Variants in NALCN observed in about 807,000 individuals in gnomAD.
The protein encoded by NALCN is sodium leak channel, non-selective.
A neutral mutation model predicts 225.3 loss-of-function variants in NALCN; 111 were observed. The ratio of observed to expected loss-of-function variants is 0.49; its 90% CI spans 0.42 to 0.58. The LOEUF (loss-of-function observed/expected upper bound fraction) is 0.58. Ranked by LOEUF, NALCN falls within the 20% of genes least tolerant of loss-of-function variation. The probability of loss-of-function intolerance (pLI) is 0.00; values close to 1 mark genes in which losing one functional copy is unlikely to be tolerated. For missense variants in NALCN, 1,378 were observed against 2,202.4 expected, an observed-to-expected ratio of 0.63 and a Z score of 7.49; for synonymous variants, 764 against 769.0, an observed-to-expected ratio of 0.99 and a Z score of 0.11.
intron 28 of NALCN, among the ~76,000 whole-genome samples, chr13:101,094,546 T>G (rs1350051503): frequency 6.6e-6 from 1 of 152,166 alleles, no homozygotes. Context: ...CTTTAATTTT[T>G]ATTTCAATGG....
intron 40 of NALCN, among the ~76,000 whole-genome samples, chr13:101,063,888 A>G (rs1318663980): frequency 1.3e-5 from 2 of 152,160 alleles, no homozygotes; most frequent in South Asian, 2.1e-4. Context: ...TGTGGCATGG[A>G]CCCCTGTGGC....
chr13:101,343,513 A>T (rs1224934879), intron 7 of NALCN, among the ~76,000 whole-genome samples: 2 of 152,202 alleles, frequency 1.3e-5, no homozygotes, highest in Non-Finnish European at 2.9e-5. Flanking sequence ...AAAAAGACAT[A>T]CGCTTTGTTG....
chr13:101,281,416 T>C (rs954134269), intron 10 of NALCN, among the ~76,000 whole-genome samples: 1 of 152,172 alleles, frequency 6.6e-6, no homozygotes, highest in Non-Finnish European at 1.5e-5. Flanking sequence ...TATCAGTTGA[T>C]GGATTAAAAA....
chr13:101,139,630 A>C (rs2036969680), intron 17 of NALCN, among the ~76,000 whole-genome samples: 1 of 151,956 alleles, frequency 6.6e-6, no homozygotes, highest in Non-Finnish European at 1.5e-5. Context: ...TAGAGTGAAG[A>C]ACCCTGCCTG....
chr13:101,068,949 C>G (rs2032641889), intron 37 of NALCN, 122 bp from the exon 38 acceptor site: 2 of 1,067,076 alleles, frequency 1.9e-6, no homozygotes, highest in Middle Eastern at 2.2e-4. Context: ...TCAAAGTAAG[C>G]TTTCAAAAGC....
intron 6 of NALCN, among the ~76,000 whole-genome samples, chr13:101,356,171 C>A (rs2046053301): frequency 6.6e-6 from 1 of 151,960 alleles, no homozygotes; most frequent in Admixed American, 6.6e-5. Context: ...TAAAAGCTAG[C>A]AGAAGACAAG....
intron 13 of NALCN, among the ~76,000 whole-genome samples, chr13:101,210,141 A>G (rs1185675267): frequency 6.6e-6 from 1 of 152,076 alleles, no homozygotes; most frequent in Non-Finnish European, 1.5e-5. Context: ...GATGCAGCCC[A>G]TTAGCTTCCA....
chr13:101,158,705 C>T (rs533915400), intron 15 of NALCN, among the ~76,000 whole-genome samples: 176 of 152,294 alleles, frequency 1.2e-3, no homozygotes, highest in African/African-American at 4.1e-3. Context: ...AGTAGAGCTA[C>T]GGGTTTCCAA....
At chr13:101,224,991 C>T (rs2041085384) in intron 13 of NALCN, among the ~76,000 whole-genome samples, 1 of 152,206 alleles carries the variant, frequency 6.6e-6, no homozygotes. Flanking sequence ...AGCATTTCTG[C>T]AACCAGCTAG....
chr13:101,374,919 A>T (rs1217085553), intron 6 of NALCN, among the ~76,000 whole-genome samples: 1 of 152,190 alleles, frequency 6.6e-6, no homozygotes, highest in Non-Finnish European at 1.5e-5. Context: ...TTTGTGCATG[A>T]ATTAGAAATT....
chr13:101,282,842 A>G (rs2043212450), intron 10 of NALCN, among the ~76,000 whole-genome samples: 1 of 152,220 alleles, frequency 6.6e-6, no homozygotes, highest in East Asian at 1.9e-4. Flanking sequence ...AAATAACTCT[A>G]TGGTAAAATG....
intron 3 of NALCN, among the ~76,000 whole-genome samples, chr13:101,384,506 G>A (rs1362639578): frequency 6.6e-6 from 1 of 152,120 alleles, no homozygotes; most frequent in African/African-American, 2.4e-5. Context: ...GATATGCACT[G>A]GTACAGTTTC....
intron 26 of NALCN, among the ~76,000 whole-genome samples, chr13:101,102,112 G>C (rs1172612205): frequency 6.6e-6 from 1 of 151,914 alleles, no homozygotes; most frequent in Non-Finnish European, 1.5e-5. Context: ...GTGCAGCCCC[G>C]TGTCTACTAA....
At chr13:101,308,233 C>T (rs1234790383) in intron 7 of NALCN, among the ~76,000 whole-genome samples, 4 of 152,202 alleles carry the variant, frequency 2.6e-5, no homozygotes, top group Non-Finnish European at 5.9e-5. Flanking sequence ...TCATTCTTCT[C>T]TTCTTCCTGG....
At chr13:101,278,415 C>A (rs1201793788) in intron 10 of NALCN, among the ~76,000 whole-genome samples, 1 of 149,314 alleles carries the variant, frequency 6.7e-6, no homozygotes, top group African/African-American at 2.5e-5. Context: ...CCCAGCTACT[C>A]TGGAGGCTGA....
chr13:101,073,496 C>A, intron 37 of NALCN, 88 bp downstream of exon 37: 1 of 1,118,378 alleles, frequency 8.9e-7, no homozygotes. Flanking sequence ...AGTCTTAACG[C>A]TAACAAGGAT....
chr13:101,197,849 G>T (rs986526100), intron 13 of NALCN, among the ~76,000 whole-genome samples: 3 of 152,156 alleles, frequency 2.0e-5, no homozygotes, highest in Non-Finnish European at 4.4e-5. Flanking sequence ...AGTTGAGTGG[G>T]ACAACAAAAG....
At chr13:101,307,225 G>T (rs2044182970) in intron 7 of NALCN, among the ~76,000 whole-genome samples, 1 of 152,122 alleles carries the variant, frequency 6.6e-6, no homozygotes, top group Non-Finnish European at 1.5e-5. Context: ...AGCGATGGTG[G>T]TCTGGGCCCC....
chr13:101,207,749 T>A (rs2040367598), intron 13 of NALCN, among the ~76,000 whole-genome samples: 1 of 152,066 alleles, frequency 6.6e-6, no homozygotes, highest in Non-Finnish European at 1.5e-5. Context: ...AGGATGTGGG[T>A]GGGGCCAGAT....
Sources: allele counts gnomAD v4.1 joint callset (sites outside exome capture counted in the v4.1 genomes callset), GRCh38; gene constraint gnomAD v4.1.1; transcripts MANE v1.5; gene names NCBI Gene and HGNC (gene_info 2026-07-23, HGNC 2026-07-21).